Variants in PDLIM5 observed in about 807,000 individuals in gnomAD.
The protein encoded by PDLIM5 is PDZ and LIM domain 5.
PDLIM5 carries 34 observed loss-of-function variants against 64.2 expected under a neutral mutation model. The observed-to-expected ratio is 0.53, with a 90% CI of 0.40 to 0.71. The LOEUF is 0.71. Among genes scored for constraint, PDLIM5 ranks in the 30% least tolerant of loss-of-function variants. The pLI is 0.00. For missense variants in PDLIM5, 683 were observed against 733.6 expected, an observed-to-expected ratio of 0.93 and a Z score of 0.80; for synonymous variants, 253 against 269.1, an observed-to-expected ratio of 0.94 and a Z score of 0.59.
At chr4:94,584,657 G>A (rs1016643216) in intron 5 of PDLIM5, 3 of 265,902 alleles carry the variant, frequency 1.1e-5, no homozygotes, top group South Asian at 7.4e-5. Context: ...ATAATAGTTC[G>A]GACCCTTTTC....
At chr4:94,492,825 T>G (rs1217546287) in intron 2 of PDLIM5, among the ~76,000 whole-genome samples, 3 of 152,222 alleles carry the variant, frequency 2.0e-5, no homozygotes, top group African/African-American at 7.2e-5. Flanking sequence ...ATCCTGCTGC[T>G]GTGAACATTT....
intron 2 of PDLIM5, among the ~76,000 whole-genome samples, chr4:94,482,706 T>A (rs1008938968): frequency 6.6e-6 from 1 of 151,976 alleles, no homozygotes; most frequent in Non-Finnish European, 1.5e-5. Context: ...CTGAGCAACA[T>A]AGTGAGACCC....
intron 2 of PDLIM5, among the ~76,000 whole-genome samples, chr4:94,497,665 A>G (rs573920576): frequency 6.6e-6 from 1 of 152,332 alleles, no homozygotes; most frequent in East Asian, 1.9e-4. Flanking sequence ...AGTGCATGTC[A>G]TCAAAAAGAT....
At chr4:94,478,286 A>T (rs1317954836) in intron 2 of PDLIM5, among the ~76,000 whole-genome samples, 1 of 151,094 alleles carries the variant, frequency 6.6e-6, no homozygotes, top group Non-Finnish European at 1.5e-5. Flanking sequence ...ATATAGTATT[A>T]ATATATATAT....
Position 94,575,611 on chromosome 4 carries a change from C to T in PDLIM5, c.292-5C>T. 1 of 1,535,728 alleles carries T rather than the reference C, an allele frequency of 6.5e-7. No homozygotes were observed. The highest frequency in any genetic ancestry group is 2.3e-5 in the East Asian group (1 of 44,086). On this transcript the variant is annotated splice_region_variant and splice_polypyrimidine_tract_variant and intron_variant, in intron 4 of 12. Transcript: ENST00000317968. Reference sequence around the variant, plus strand: ...TTTGTGTATGTTTATTTTTGTTTTACATAGGGAGAACCTAAAGAAGTAGTT... The same window carrying T: ...TTTGTGTATGTTTATTTTTGTTTTATATAGGGAGAACCTAAAGAAGTAGTT...
intron 8 of PDLIM5, 82 bp from the exon 9 acceptor site, chr4:94,640,194 A>G (rs1740887420): frequency 1.5e-6 from 1 of 682,198 alleles, no homozygotes; most frequent in Non-Finnish European, 2.3e-6. Context: ...TACTGTTAAA[A>G]TAATAATTTT....
At chr4:94,582,747 A>G (rs1186244307) in intron 5 of PDLIM5, 14 of 1,522,178 alleles carry the variant, frequency 9.2e-6, no homozygotes, top group East Asian at 2.3e-5. Context: ...TACTTAACCA[A>G]TGATTCACTT....
chr4:94,561,188 C>T (rs748004008), intron 3 of PDLIM5, among the ~76,000 whole-genome samples: 11 of 152,044 alleles, frequency 7.2e-5, no homozygotes, highest in Non-Finnish European at 8.8e-5. Context: ...GACAGATTTT[C>T]GGAATGAGGA....
chr4:94,525,785 A>T (rs1353521510), intron 3 of PDLIM5, among the ~76,000 whole-genome samples: 1 of 152,192 alleles, frequency 6.6e-6, no homozygotes, highest in African/African-American at 2.4e-5. Context: ...GGACTGCTGA[A>T]TCAATGTTTA....
At chr4:94,547,638 A>G (rs1441223118) in intron 3 of PDLIM5, among the ~76,000 whole-genome samples, 1 of 152,186 alleles carries the variant, frequency 6.6e-6, no homozygotes, top group Non-Finnish European at 1.5e-5. Flanking sequence ...TTGGGAAGCC[A>G]TTATTCTGTC....
intron 6 of PDLIM5, 91 bp downstream of exon 6, chr4:94,585,828 C>A: frequency 1.0e-6 from 1 of 956,006 alleles, no homozygotes; most frequent in Non-Finnish European, 1.6e-6. Flanking sequence ...AGAAAACAAC[C>A]CCGAGACAGT....
At chr4:94,656,565 A>G (rs555517866) in intron 10 of PDLIM5, among the ~76,000 whole-genome samples, 1 of 149,200 alleles carries the variant, frequency 6.7e-6, no homozygotes, top group African/African-American at 2.4e-5. Flanking sequence ...TACATTATAT[A>G]CATTTATATA....
intron 3 of PDLIM5, among the ~76,000 whole-genome samples, chr4:94,549,466 G>A (rs1364265764): frequency 2.0e-5 from 3 of 152,132 alleles, no homozygotes; most frequent in African/African-American, 4.8e-5. Context: ...ACTCACAAAT[G>A]TGTAAAATGA....
intron 8 of PDLIM5, among the ~76,000 whole-genome samples, chr4:94,631,021 C>T (rs997280152): frequency 1.3e-5 from 2 of 151,960 alleles, no homozygotes; most frequent in African/African-American, 4.8e-5. Context: ...TATCCTCCTG[C>T]CTCACATCCC....
chr4:94,479,159 C>A (rs1006063337), intron 2 of PDLIM5, among the ~76,000 whole-genome samples: 8 of 151,398 alleles, frequency 5.3e-5, no homozygotes, highest in Non-Finnish European at 7.4e-5. Flanking sequence ...CTCGGCCTTC[C>A]AAAGTGCTGG....
intron 2 of PDLIM5, among the ~76,000 whole-genome samples, chr4:94,505,721 A>G (rs1213427994): frequency 1.3e-5 from 2 of 152,210 alleles, no homozygotes; most frequent in Admixed American, 1.3e-4. Flanking sequence ...AACAGTACAG[A>G]CGAACAGCCA....
intron 2 of PDLIM5, among the ~76,000 whole-genome samples, chr4:94,467,580 G>A (rs1291803396): frequency 6.6e-6 from 1 of 152,138 alleles, no homozygotes; most frequent in Non-Finnish European, 1.5e-5. Flanking sequence ...CCAAAGTGCT[G>A]GGATTACAGA....
At chr4:94,456,044 T>A in intron 2 of PDLIM5, 1 of 1,320,676 alleles carries the variant, frequency 7.6e-7, no homozygotes, top group East Asian at 2.6e-5. Flanking sequence ...AATTAAAGCT[T>A]CTATTTATTG....
At chr4:94,517,590 A>G (rs909221057) in intron 2 of PDLIM5, among the ~76,000 whole-genome samples, 6 of 152,152 alleles carry the variant, frequency 3.9e-5, no homozygotes, top group Admixed American at 2.6e-4. Context: ...CCATTTTCCC[A>G]TGGTTTGGTT....
Sources: gnomAD v4.1 joint callset for allele counts (sites outside exome capture counted in the v4.1 genomes callset) on GRCh38, gnomAD v4.1.1 for gene constraint, MANE v1.5 for transcripts, NCBI Gene and HGNC (gene_info 2026-07-23, HGNC 2026-07-21) for gene names.